KCTD1: variants seen among roughly 807,000 people sequenced by gnomAD.
The protein encoded by KCTD1 is potassium channel tetramerization domain containing 1, also known as BTB/POZ domain-containing protein KCTD1.
Under a neutral mutation model 66.0 loss-of-function variants are expected in KCTD1, and 24 were observed. That is an observed-to-expected ratio of 0.36 (90% CI 0.26 to 0.51). The LOEUF (loss-of-function observed/expected upper bound fraction) is 0.51, where lower values mean the gene tolerates loss of function less well. Ranked by LOEUF, KCTD1 falls within the 20% of genes least tolerant of loss-of-function variation. The pLI, the probability that KCTD1 is intolerant of heterozygous loss-of-function variation, is 0.95. For synonymous variants in KCTD1, 511 were observed against 517.2 expected, an observed-to-expected ratio of 0.99 and a Z score of 0.16; for missense variants, 943 against 1,205.2, an observed-to-expected ratio of 0.78 and a Z score of 3.22.
At chr18:26,587,378 A>T (rs1986494263) in intron 1 of KCTD1, among the ~76,000 whole-genome samples, 1 of 152,238 alleles carries the variant, frequency 6.6e-6, no homozygotes, top group Non-Finnish European at 1.5e-5. Context: ...CTCATTGACA[A>T]TGCACCTAGT....
At chr18:26,644,852 T>A (rs1253681647), upstream of KCTD1, among the ~76,000 whole-genome samples, 1 of 151,446 alleles carries the variant, frequency 6.6e-6, no homozygotes, top group South Asian at 2.1e-4. Context: ...GTGGGAACAG[T>A]TGGAGAATAA....
intron 1 of KCTD1, among the ~76,000 whole-genome samples, chr18:26,505,293 T>G (rs1386006971): frequency 6.6e-6 from 1 of 152,246 alleles, no homozygotes; most frequent in East Asian, 1.9e-4. Context: ...TCTTTCAGGA[T>G]TACTTCTGGA....
chr18:26,513,180 C>T (rs1303457274), intron 1 of KCTD1, among the ~76,000 whole-genome samples: 4 of 151,466 alleles, frequency 2.6e-5, no homozygotes, highest in East Asian at 2.0e-4. Flanking sequence ...CTCCGCCTCC[C>T]GGGTTCACGC....
At chr18:26,629,956 C>T (rs1987582519), upstream of KCTD1, among the ~76,000 whole-genome samples, 1 of 152,052 alleles carries the variant, frequency 6.6e-6, no homozygotes, top group Non-Finnish European at 1.5e-5. Flanking sequence ...GAGCTTGGCC[C>T]TTTCAAGGAA....
At chr18:26,644,059 T>C (rs573110856), upstream of KCTD1, among the ~76,000 whole-genome samples, 100 of 152,322 alleles carry the variant, frequency 6.6e-4, 1 homozygote, top group Non-Finnish European at 1.3e-3. Context: ...CTGCTTTAAT[T>C]TTTTTGCATA....
At chr18:26,542,727 A>G (rs1033630374) in intron 1 of KCTD1, among the ~76,000 whole-genome samples, 3 of 152,218 alleles carry the variant, frequency 2.0e-5, no homozygotes, top group Admixed American at 6.5e-5. Context: ...TTTTAAAATC[A>G]GGGTGATACA....
upstream of KCTD1, among the ~76,000 whole-genome samples, chr18:26,552,313 C>T (rs1228218104): frequency 3.3e-5 from 5 of 152,172 alleles, no homozygotes; most frequent in African/African-American, 1.2e-4. Flanking sequence ...TTCTGAGTAT[C>T]ATCTGTTAAT....
rs777535575 is a variant in KCTD1 at position 26,547,126 on chromosome 18, G to C, written c.1411C>G (p.Leu471Val). Residue 471 changes from leucine to valine, a missense_variant, in exon 1 of 5, where the codon CTG becomes GTG. By Grantham distance (32) the Leu-to-Val change is conservative. Transcript: ENST00000580059. ...LNSIAGIGTK[L>V]GSPAPQGCYA... ...CAGCCCTGCGGGGCGGGCGAGCCCA[G>C]CTTGGTGCCAATGCCCGCGATGCTG... 6.4e-7 allele frequency: 1 copy of C among 1,550,404 alleles called. No individual in the cohort carries two copies. Among genetic ancestry groups the C allele is most frequent in the African/African-American group, 1.4e-5 (1 of 73,044 alleles).
At chr18:26,503,623 G>A (rs1982881480) in intron 1 of KCTD1, among the ~76,000 whole-genome samples, 1 of 152,064 alleles carries the variant, frequency 6.6e-6, no homozygotes, top group African/African-American at 2.4e-5. Context: ...AGGGTGCTCA[G>A]GCGAAAATGA....
upstream of KCTD1, among the ~76,000 whole-genome samples, chr18:26,643,894 G>A (rs908435281): frequency 9.9e-5 from 15 of 151,988 alleles, no homozygotes; most frequent in Admixed American, 2.0e-4. Flanking sequence ...CTCAGGAGGC[G>A]GAGCTTGCAG....
chr18:26,498,891 G>A (rs1157735147), intron 2 of KCTD1, among the ~76,000 whole-genome samples: 1 of 152,124 alleles, frequency 6.6e-6, no homozygotes, highest in African/African-American at 2.4e-5. Context: ...AATAATGAAA[G>A]TAGCAAATTA....
chr18:26,561,117 C>T (rs1985837222), intron 1 of KCTD1, among the ~76,000 whole-genome samples: 1 of 151,698 alleles, frequency 6.6e-6, no homozygotes, highest in African/African-American at 2.4e-5. Flanking sequence ...GTCTCCAAGA[C>T]ATTTTATTAA....
intron 1 of KCTD1, among the ~76,000 whole-genome samples, chr18:26,625,096 T>C (rs525424): frequency 0.99 from 150,253 of 152,326 alleles, 74,152 homozygotes; most frequent in East Asian, 1. Flanking sequence ...GCCTGTACCC[T>C]CATTGTATCT....
chr18:26,580,233 G>A (rs8096605), intron 1 of KCTD1, among the ~76,000 whole-genome samples: 76,949 of 151,786 alleles, frequency 0.51, 19,595 homozygotes, highest in Middle Eastern at 0.59. Flanking sequence ...CAAGAATCAC[G>A]CGAATGCATA....
At chr18:26,601,857 C>T (rs1598961697) in intron 1 of KCTD1, among the ~76,000 whole-genome samples, 1 of 152,078 alleles carries the variant, frequency 6.6e-6, no homozygotes, top group East Asian at 1.9e-4. Flanking sequence ...TATCATGCAA[C>T]CTTGCAGAAC....
chr18:26,597,663 T>C (rs1031165337), intron 1 of KCTD1, among the ~76,000 whole-genome samples: 2 of 150,336 alleles, frequency 1.3e-5, no homozygotes, highest in Non-Finnish European at 3.0e-5. Context: ...TTGGTGTTTT[T>C]TTTTTTTTTT....
intron 1 of KCTD1, among the ~76,000 whole-genome samples, chr18:26,612,742 C>T (rs185328019): frequency 5.9e-5 from 9 of 152,208 alleles, no homozygotes; most frequent in Non-Finnish European, 5.9e-5. Flanking sequence ...GCAGCTCTGG[C>T]AAACTTAACA....
intron 1 of KCTD1, among the ~76,000 whole-genome samples, chr18:26,653,235 C>A (rs1988069395): frequency 6.6e-6 from 1 of 152,238 alleles, no homozygotes; most frequent in African/African-American, 2.4e-5. Flanking sequence ...CTGCAGTCTG[C>A]ATCACTGCTT....
chr18:26,548,590 C>T, upstream of KCTD1: 1 of 1,202,326 alleles, frequency 8.3e-7, no homozygotes, highest in Non-Finnish European at 1.0e-6. Context: ...TATTGGACCG[C>T]AGCGCTGAGA....
Sources: gnomAD v4.1 joint callset for allele counts (sites outside exome capture counted in the v4.1 genomes callset) on GRCh38, gnomAD v4.1.1 for gene constraint, MANE v1.5 for transcripts, NCBI Gene and HGNC (gene_info 2026-07-23, HGNC 2026-07-21) for gene names.